COQ7: variants seen among roughly 807,000 people sequenced by gnomAD.
COQ7 encodes the protein coenzyme Q7, hydroxylase, also known as NADPH-dependent 3-demethoxyubiquinone 3-hydroxylase, mitochondrial.
COQ7 carries 21 observed loss-of-function variants against 25.0 expected under a neutral mutation model. The ratio of observed to expected loss-of-function variants is 0.84; its 90% CI spans 0.60 to 1.21. The LOEUF (loss-of-function observed/expected upper bound fraction) is 1.21, where lower values mean the gene tolerates loss of function less well. COQ7 is among the 50% of genes most tolerant of loss of function. The pLI is 0.00. For synonymous variants in COQ7, 125 were observed against 112.4 expected, an observed-to-expected ratio of 1.11 and a Z score of -0.71; for missense variants, 311 against 296.2, an observed-to-expected ratio of 1.05 and a Z score of -0.37.
At chr16:19,073,525 T>C (rs1454490187) in intron 2 of COQ7, among the ~76,000 whole-genome samples, 1 of 152,106 alleles carries the variant, frequency 6.6e-6, no homozygotes, top group Admixed American at 6.6e-5. Flanking sequence ...AACAAGATGA[T>C]GCTATTCTAG....
Position 19,072,050 on chromosome 16 carries a change from A to C in COQ7, c.196A>C (p.Ile66Leu), listed in dbSNP as rs771847757. 10 of 1,614,108 alleles carry C rather than the reference A, an allele frequency of 6.2e-6. No homozygotes were observed. Among genetic ancestry groups the C allele is most frequent in the Non-Finnish European group, 8.5e-6 (10 of 1,180,052 alleles). ...TGCAGGCGAATATGGAGCAAACCGC[A>C]TCTATGCCGGGCAGATGGCTGTCCT... ...DHAGEYGANR[I>L]YAGQMAVLGR... The change falls in exon 2 of 6, where the codon ATC becomes CTC. Residue 66 changes from isoleucine to leucine, a missense_variant. Coordinates refer to ENST00000321998, the MANE Select transcript of COQ7 (RefSeq NM_016138.5).
chr16:19,080,365 T>C (rs1963070207), downstream of COQ7, among the ~76,000 whole-genome samples: 1 of 152,198 alleles, frequency 6.6e-6, no homozygotes, highest in Non-Finnish European at 1.5e-5. Context: ...AAGAGACAAA[T>C]TGTTTGGAAA....
chr16:19,082,824 A>AAAAT (rs55960142), downstream of COQ7, among the ~76,000 whole-genome samples: 20 of 151,820 alleles, frequency 1.3e-4, no homozygotes, highest in African/African-American at 4.4e-4. Flanking sequence ...CAATTTTAAA[A>AAAAT]CATGCTAAGT....
In COQ7 at chr16:19,079,201, T is replaced by G. The variant is rs1963016064; in HGVS notation, c.*1043T>G. 1 of 152,240 alleles carries G rather than the reference T, an allele frequency of 6.6e-6. No individual in the cohort carries two copies. The highest frequency in any genetic ancestry group is 6.6e-5 in the Admixed American group (1 of 15,258). The allele number at this position is 152,240 out of a possible 1,614,324, so 9.4% of individuals were successfully genotyped here. A position where few individuals can be genotyped will look rare whatever the true frequency, so the allele number is the denominator to read the frequency against. ...TTCACAAGCAAAATCAGCCAGCACT[T>G]TGATCACGGACTTCCCAGCCTCTAG... On this transcript the variant is annotated 3_prime_UTR_variant, in exon 6 of 6. Coordinates refer to ENST00000321998, the MANE Select transcript of COQ7 (RefSeq NM_016138.5).
chr16:19,068,855 G>T (rs746067188), intron 1 of COQ7: 1 of 452,242 alleles, frequency 2.2e-6, no homozygotes, highest in South Asian at 1.6e-5. Flanking sequence ...TGAATGGGAA[G>T]CCAGTGCCAC....
chr16:19,076,263 T>TTG (rs998459784), intron 4 of COQ7, among the ~76,000 whole-genome samples: 11 of 149,762 alleles, frequency 7.3e-5, no homozygotes, highest in African/African-American at 2.7e-4. Flanking sequence ...AATTTTTTTT[T>TTG]TTTTTTTTTT....
chr16:19,070,094 C>CT (rs1355751354), intron 1 of COQ7, among the ~76,000 whole-genome samples: 1 of 152,074 alleles, frequency 6.6e-6, no homozygotes, highest in Non-Finnish European at 1.5e-5. Context: ...TATGCAGTCT[C>CT]TTTAGTCAGA....
At chr16:19,081,315 G>A (rs1292100368), downstream of COQ7, among the ~76,000 whole-genome samples, 3 of 152,152 alleles carry the variant, frequency 2.0e-5, no homozygotes, top group Non-Finnish European at 4.4e-5. Context: ...GGACACAATT[G>A]GAGAAACTGG....
At chr16:19,082,053 A>T (rs1963109622), downstream of COQ7, among the ~76,000 whole-genome samples, 1 of 152,196 alleles carries the variant, frequency 6.6e-6, no homozygotes, top group Non-Finnish European at 1.5e-5. Context: ...ACATGTTCAA[A>T]CCAATCCTTG....
intron 3 of COQ7, 107 bp downstream of exon 3, chr16:19,074,142 C>A: frequency 1.4e-6 from 1 of 708,388 alleles, no homozygotes. Context: ...TGACCTCATT[C>A]TGTTTACTTC....
intron 5 of COQ7, 139 bp downstream of exon 5, chr16:19,077,513 A>T (rs918938202): frequency 1.7e-6 from 1 of 590,644 alleles, no homozygotes; most frequent in Non-Finnish European, 2.9e-6. Flanking sequence ...TGCTTTGACA[A>T]AAAGCAAGCA....
At chr16:19,082,860 C>T (rs563808120), downstream of COQ7, among the ~76,000 whole-genome samples, 5 of 151,560 alleles carry the variant, frequency 3.3e-5, no homozygotes, top group East Asian at 3.9e-4. Flanking sequence ...CAAAAGGTCA[C>T]GTATTGTATT....
intron 3 of COQ7, 57 bp from the exon 4 acceptor site, chr16:19,075,664 C>A: frequency 6.6e-7 from 1 of 1,509,256 alleles, no homozygotes; most frequent in Non-Finnish European, 8.8e-7. Context: ...CACAGATGGT[C>A]TCCATTACCG....
In COQ7 at chr16:19,079,360, T is replaced by C. The variant is rs932238150; in HGVS notation, c.*1202T>C. The C allele has an allele frequency of 2.0e-5, 3 of 152,140 alleles. No homozygotes were observed. The highest frequency in any genetic ancestry group is 4.8e-5 in the African/African-American group (2 of 41,416). The allele number at this position is 152,140 out of a possible 1,614,324, so 9.4% of individuals were successfully genotyped here. A position where few individuals can be genotyped will look rare whatever the true frequency, so the allele number is the denominator to read the frequency against. On this transcript the variant is annotated 3_prime_UTR_variant, in exon 6 of 6. Transcript: ENST00000321998. ...ACTAAGTTGTGGATTATTTGTGAAA[T>C]TGAATTACAACCTTTTCCTTAAGGT...
chr16:19,067,614 A>C lies in COQ7; in HGVS notation c.-51A>C. On this transcript the variant is annotated 5_prime_UTR_variant, in exon 1 of 6. Coordinates refer to ENST00000321998, the MANE Select transcript of COQ7 (RefSeq NM_016138.5). ...TGCGTCATCAGTCCGAGCCAAGGGC[A>C]CTATTGGCCAGTTCCGTTCAACGAA... The C allele has an allele frequency of 6.2e-7, 1 of 1,602,402 alleles. No homozygotes were observed. The highest frequency in any genetic ancestry group is 8.5e-7 in the Non-Finnish European group (1 of 1,169,928).
At chr16:19,068,592 C>T in intron 1 of COQ7, 1 of 199,520 alleles carries the variant, frequency 5.0e-6, no homozygotes, top group Non-Finnish European at 1.0e-5. Flanking sequence ...GCAGAGATTG[C>T]TTTGAGGCGA....
intron 1 of COQ7, chr16:19,068,134 C>T (rs2142350870): frequency 9.4e-7 from 1 of 1,059,622 alleles, no homozygotes; most frequent in Non-Finnish European, 1.1e-6. Flanking sequence ...CGACCAGCAG[C>T]CTCCGCTACT....
intron 1 of COQ7, 73 bp downstream of exon 1, chr16:19,067,810 C>T (rs1263908948): frequency 1.9e-6 from 3 of 1,563,818 alleles, no homozygotes; most frequent in Non-Finnish European, 2.6e-6. Flanking sequence ...AGGTTTGGGT[C>T]GAAGAGGTCA....
intron 1 of COQ7, chr16:19,068,932 A>T (rs1267817708): frequency 4.6e-6 from 2 of 437,160 alleles, no homozygotes; most frequent in Non-Finnish European, 4.5e-6. Context: ...AAATTGTATT[A>T]AATACTGTCT....
Sources: allele counts gnomAD v4.1 joint callset (sites outside exome capture counted in the v4.1 genomes callset), GRCh38; gene constraint gnomAD v4.1.1; transcripts MANE v1.5; gene names NCBI Gene and HGNC (gene_info 2026-07-23, HGNC 2026-07-21).